Variants in CEP128 observed in about 807,000 individuals in gnomAD.
CEP128 encodes the protein centrosomal protein 128, also known as centrosomal protein 128kDa.
In CEP128, 132 loss-of-function variants were observed where a neutral mutation model predicts 156.7. The ratio of observed to expected loss-of-function variants is 0.84; its 90% CI spans 0.73 to 0.97. The LOEUF (loss-of-function observed/expected upper bound fraction) is 0.97, where lower values mean the gene tolerates loss of function less well. Among genes scored for constraint, CEP128 ranks in the 50% least tolerant of loss-of-function variants. The pLI is 0.00. For missense variants in CEP128, 1,252 were observed against 1,281.9 expected, an observed-to-expected ratio of 0.98 and a Z score of 0.36; for synonymous variants, 469 against 448.9, an observed-to-expected ratio of 1.04 and a Z score of -0.57.
intron 2 of CEP128, among the ~76,000 whole-genome samples, chr14:80,954,829 T>C (rs1399395202): frequency 6.6e-6 from 1 of 152,244 alleles, no homozygotes; most frequent in Non-Finnish European, 1.5e-5. Context: ...TATGACTCAA[T>C]GAAATTCTTG....
At chr14:80,663,724 A>G (rs1895495534) in intron 19 of CEP128, among the ~76,000 whole-genome samples, 2 of 152,156 alleles carry the variant, frequency 1.3e-5, no homozygotes, top group South Asian at 4.1e-4. Flanking sequence ...TAACCCCCCT[A>G]CAAGGGAGGA....
chr14:80,949,415 A>C (rs1886413544), intron 2 of CEP128, among the ~76,000 whole-genome samples: 3 of 152,172 alleles, frequency 2.0e-5, no homozygotes, highest in Admixed American at 2.0e-4. Flanking sequence ...TCTCCATGGA[A>C]GATTCAGCAG....
At chr14:80,704,852 G>T (rs1214245912) in intron 19 of CEP128, among the ~76,000 whole-genome samples, 1 of 151,088 alleles carries the variant, frequency 6.6e-6, no homozygotes, top group Non-Finnish European at 1.5e-5. Context: ...TTTTATTGTA[G>T]AAATTTTCAA....
chr14:80,713,680 ATAG>A (rs1718164967), intron 19 of CEP128, among the ~76,000 whole-genome samples: 2 of 152,232 alleles, frequency 1.3e-5, no homozygotes, highest in Non-Finnish European at 2.9e-5. Context: ...TGTTTTGCAC[ATAG>A]TAGATTGATT....
At chr14:80,705,508 C>T (rs1302662577) in intron 19 of CEP128, among the ~76,000 whole-genome samples, 1 of 152,078 alleles carries the variant, frequency 6.6e-6, no homozygotes, top group Non-Finnish European at 1.5e-5. Context: ...AAATCTTCAA[C>T]ACTTCCTCCA....
chr14:80,854,585 C>A (rs1412164149), intron 9 of CEP128, among the ~76,000 whole-genome samples: 2 of 151,738 alleles, frequency 1.3e-5, no homozygotes, highest in Non-Finnish European at 1.5e-5. Flanking sequence ...GATGAAAGAA[C>A]AGAGTTGGAA....
intron 9 of CEP128, among the ~76,000 whole-genome samples, chr14:80,841,584 T>C (rs1292091907): frequency 6.6e-6 from 1 of 152,036 alleles, no homozygotes. Flanking sequence ...ATATAATAAA[T>C]AAATATATTA....
At chr14:80,918,817 G>A (rs1482051303) in intron 2 of CEP128, among the ~76,000 whole-genome samples, 2 of 151,792 alleles carry the variant, frequency 1.3e-5, no homozygotes, top group Non-Finnish European at 2.9e-5. Flanking sequence ...CTAGGCACCA[G>A]GAAAAAAACT....
chr14:80,497,151 G>T lies in CEP128; in HGVS notation c.*328C>A. On this transcript the variant is annotated 3_prime_UTR_variant, in exon 25 of 25. Transcript: ENST00000555265. Reference sequence around the variant, plus strand: ...CTTTTTAGCCAGTAATTTTTAAAAGGCCTCAATTAGAAATCCAAATTTTGG... The same window carrying T: ...CTTTTTAGCCAGTAATTTTTAAAAGTCCTCAATTAGAAATCCAAATTTTGG... The T allele has an allele frequency of 5.8e-6, 1 of 172,954 alleles. No individual in the cohort carries two copies. The highest frequency in any genetic ancestry group is 1.2e-5 in the Non-Finnish European group (1 of 82,358). 10.7% of individuals were successfully genotyped at this position (172,954 alleles called of 1,614,324 possible).
At chr14:80,604,026 T>G (rs182733661) in intron 19 of CEP128, among the ~76,000 whole-genome samples, 1 of 152,306 alleles carries the variant, frequency 6.6e-6, no homozygotes, top group Non-Finnish European at 1.5e-5. Context: ...AAAAAGTTAT[T>G]ACTAAAACTT....
chr14:80,781,455 C>CAAA (rs67179008), intron 15 of CEP128, among the ~76,000 whole-genome samples: 4,720 of 90,290 alleles, frequency 0.052, 198 homozygotes, highest in Non-Finnish European at 0.063. Context: ...GACTCCGTCT[C>CAAA]AAAAAAAAAA....
upstream of CEP128, among the ~76,000 whole-genome samples, chr14:80,942,755 T>C (rs567207206): frequency 7.2e-5 from 11 of 152,270 alleles, no homozygotes; most frequent in African/African-American, 2.6e-4. Flanking sequence ...TTTCCTCACT[T>C]GCCCTTCTCC....
At chr14:80,913,552 A>C (rs1364427526) in intron 4 of CEP128, among the ~76,000 whole-genome samples, 1 of 152,204 alleles carries the variant, frequency 6.6e-6, no homozygotes, top group African/African-American at 2.4e-5. Context: ...CCATTATCCT[A>C]AGTGAAGTAA....
chr14:80,718,200 T>C (rs1897681737), intron 19 of CEP128, among the ~76,000 whole-genome samples: 2 of 152,214 alleles, frequency 1.3e-5, no homozygotes, highest in African/African-American at 4.8e-5. Context: ...CAACAAGTCT[T>C]ACACGATTCA....
At chr14:80,835,991 T>C (rs1450009609) in intron 12 of CEP128, among the ~76,000 whole-genome samples, 1 of 152,194 alleles carries the variant, frequency 6.6e-6, no homozygotes, top group Non-Finnish European at 1.5e-5. Flanking sequence ...GTAGGTCTAA[T>C]AACCCAAATG....
At chr14:80,585,977 A>G (rs1891803174) in intron 19 of CEP128, among the ~76,000 whole-genome samples, 1 of 152,180 alleles carries the variant, frequency 6.6e-6, no homozygotes, top group African/African-American at 2.4e-5. Context: ...ATTCCATTCC[A>G]GATACTCAAG....
rs187348216 is a variant in CEP128 at position 80,753,212 on chromosome 14, G to A, written c.2613+3680C>T. Among the ~76,000 whole-genome samples, 38 of 152,242 alleles carry A rather than the reference G, an allele frequency of 2.5e-4. No individual in the cohort carries two copies. The East Asian group carries it at 6.0e-3, about 24-fold the overall frequency. On this transcript the variant is annotated intron_variant, in intron 18 of 24. Transcript: ENST00000555265. ...CATTTAGCCAGGCATTGTGATAAGT[G>A]CTAAAGATGTAATAAGGAACAGGAT...
At chr14:80,593,038 A>G (rs1892148630) in intron 19 of CEP128, among the ~76,000 whole-genome samples, 1 of 152,182 alleles carries the variant, frequency 6.6e-6, no homozygotes, top group Non-Finnish European at 1.5e-5. Context: ...CCCACAGACA[A>G]TATCATACTG....
intron 2 of CEP128, among the ~76,000 whole-genome samples, chr14:80,938,803 A>C (rs1267209148): frequency 6.6e-6 from 1 of 152,216 alleles, no homozygotes; most frequent in East Asian, 1.9e-4. Flanking sequence ...AAAAACTAAG[A>C]AAGATAATAG....
Sources: allele counts gnomAD v4.1 joint callset (sites outside exome capture counted in the v4.1 genomes callset), GRCh38; gene constraint gnomAD v4.1.1; transcripts MANE v1.5; gene names NCBI Gene and HGNC (gene_info 2026-07-23, HGNC 2026-07-21).